Variants in SGCZ observed in about 807,000 individuals in gnomAD.
SGCZ encodes zeta-sarcoglycan.
In SGCZ, 40 loss-of-function variants were observed where a neutral mutation model predicts 41.3. That is an observed-to-expected ratio of 0.97 (90% confidence interval 0.75 to 1.26). SGCZ has a LOEUF of 1.26. SGCZ is among the 50% of genes most tolerant of loss of function. The pLI is 0.00. For missense variants in SGCZ, 552 were observed against 369.8 expected, an observed-to-expected ratio of 1.49 and a Z score of -4.04; for synonymous variants, 206 against 137.5, an observed-to-expected ratio of 1.50 and a Z score of -3.49.
intron 1 of SGCZ, among the ~76,000 whole-genome samples, chr8:14,895,475 T>C (rs576886933): frequency 9.2e-5 from 14 of 152,102 alleles, no homozygotes; most frequent in African/African-American, 3.4e-4. Flanking sequence ...TTTATTAGTG[T>C]GATAAGAAAT....
chr8:15,083,312 T>G (rs901192066), intron 1 of SGCZ, among the ~76,000 whole-genome samples: 1 of 152,206 alleles, frequency 6.6e-6, no homozygotes, highest in African/African-American at 2.4e-5. Flanking sequence ...AAATAGCATA[T>G]AAACAGATCA....
At chr8:15,069,701 T>G (rs992896021) in intron 1 of SGCZ, among the ~76,000 whole-genome samples, 1 of 152,192 alleles carries the variant, frequency 6.6e-6, no homozygotes, top group Non-Finnish European at 1.5e-5. Context: ...TTTATTGTGA[T>G]CATCTTGGCA....
At chr8:14,882,166 C>G (rs1162845386) in intron 1 of SGCZ, among the ~76,000 whole-genome samples, 1 of 152,150 alleles carries the variant, frequency 6.6e-6, no homozygotes, top group Admixed American at 6.5e-5. Flanking sequence ...AATGTGAGGT[C>G]TTAGCAAAGT....
intron 1 of SGCZ, among the ~76,000 whole-genome samples, chr8:14,557,420 C>A (rs549704687): frequency 3.5e-4 from 53 of 152,114 alleles, no homozygotes; most frequent in African/African-American, 1.2e-3. Context: ...AATGCAAAAG[C>A]TCTTCAATTT....
chr8:14,686,725 G>T (rs1253836207), intron 1 of SGCZ, among the ~76,000 whole-genome samples: 3 of 151,994 alleles, frequency 2.0e-5, no homozygotes, highest in African/African-American at 7.2e-5. Flanking sequence ...AAGAAGGTTG[G>T]AATAGTGACC....
chr8:14,482,938 G>C (rs1260611940), intron 2 of SGCZ, among the ~76,000 whole-genome samples: 1 of 151,900 alleles, frequency 6.6e-6, no homozygotes, highest in Non-Finnish European at 1.5e-5. Flanking sequence ...GACTTTTCAG[G>C]TTCCCTAACT....
At chr8:14,707,668 C>G (rs1266805155) in intron 1 of SGCZ, among the ~76,000 whole-genome samples, 1 of 152,030 alleles carries the variant, frequency 6.6e-6, no homozygotes, top group East Asian at 1.9e-4. Flanking sequence ...AAAAACACTT[C>G]TAAAACTCTA....
chr8:14,234,122 A>T (rs998362196), intron 4 of SGCZ, among the ~76,000 whole-genome samples: 1 of 152,070 alleles, frequency 6.6e-6, no homozygotes. Context: ...TTCACAGAAA[A>T]TATCTGTCAA....
chr8:14,304,171 T>C (rs1320233583), intron 3 of SGCZ, among the ~76,000 whole-genome samples: 1 of 152,082 alleles, frequency 6.6e-6, no homozygotes, highest in Non-Finnish European at 1.5e-5. Context: ...TGCTGGATGT[T>C]GTAGCTCCCA....
At chr8:14,269,258 A>G (rs1169648712) in intron 3 of SGCZ, among the ~76,000 whole-genome samples, 2 of 152,188 alleles carry the variant, frequency 1.3e-5, no homozygotes, top group Admixed American at 6.5e-5. Flanking sequence ...TTTATTTTGT[A>G]ACAATATGTT....
At chr8:14,236,842 G>A (rs1402984806) in intron 4 of SGCZ, among the ~76,000 whole-genome samples, 2 of 151,416 alleles carry the variant, frequency 1.3e-5, no homozygotes, top group Non-Finnish European at 3.0e-5. Context: ...ATTGAGTCAA[G>A]GAATCAATCT....
intron 3 of SGCZ, among the ~76,000 whole-genome samples, chr8:14,275,807 C>T (rs150594160): frequency 6.6e-6 from 1 of 152,224 alleles, no homozygotes; most frequent in African/African-American, 2.4e-5. Context: ...TTTCATGCCC[C>T]TGGGAATCCA....
chr8:14,885,987 A>T (rs918332354), intron 1 of SGCZ, among the ~76,000 whole-genome samples: 72 of 11,018 alleles, frequency 6.5e-3, no homozygotes, highest in South Asian at 0.052. Flanking sequence ...ACTTTATGTT[A>T]TATATATATA....
chr8:14,379,639 G>A (rs1241476210), intron 2 of SGCZ, among the ~76,000 whole-genome samples: 2 of 151,960 alleles, frequency 1.3e-5, no homozygotes, highest in African/African-American at 4.8e-5. Flanking sequence ...ATATAAATAA[G>A]CATGTAATAA....
chr8:14,599,482 G>A (rs1805519136), intron 1 of SGCZ, among the ~76,000 whole-genome samples: 1 of 152,128 alleles, frequency 6.6e-6, no homozygotes, highest in African/African-American at 2.4e-5. Flanking sequence ...AAATGTCACT[G>A]TGGCTTTTAA....
intron 5 of SGCZ, among the ~76,000 whole-genome samples, chr8:14,151,147 T>G (rs1803696698): frequency 6.6e-6 from 1 of 152,086 alleles, no homozygotes; most frequent in South Asian, 2.1e-4. Flanking sequence ...ATAACTTAAT[T>G]GCACATTTTA....
At chr8:14,531,412 C>A (rs373407375) in intron 2 of SGCZ, among the ~76,000 whole-genome samples, 2 of 151,878 alleles carry the variant, frequency 1.3e-5, no homozygotes, top group African/African-American at 2.4e-5. Context: ...CACTGAACTG[C>A]GGGAATGAAA....
At chr8:14,295,447 A>T (rs1800975652) in intron 3 of SGCZ, among the ~76,000 whole-genome samples, 1 of 152,206 alleles carries the variant, frequency 6.6e-6, no homozygotes, top group Non-Finnish European at 1.5e-5. Context: ...ATAATTTACA[A>T]TCAAGAATCT....
intron 1 of SGCZ, among the ~76,000 whole-genome samples, chr8:14,657,903 G>C (rs1807626590): frequency 6.6e-6 from 1 of 152,000 alleles, no homozygotes; most frequent in Non-Finnish European, 1.5e-5. Flanking sequence ...ATCAGGCTTT[G>C]GATTTCAAAT....
Sources: allele counts gnomAD v4.1 joint callset (sites outside exome capture counted in the v4.1 genomes callset), GRCh38; gene constraint gnomAD v4.1.1; transcripts MANE v1.5; gene names NCBI Gene and HGNC (gene_info 2026-07-23, HGNC 2026-07-21).